Variants in STX18 observed in about 807,000 individuals in gnomAD.
The protein encoded by STX18 is syntaxin-18.
Under a neutral mutation model 50.1 loss-of-function variants are expected in STX18, and 40 were observed. The observed-to-expected ratio is 0.80, with a 90% confidence interval of 0.62 to 1.04. The LOEUF (loss-of-function observed/expected upper bound fraction) is 1.04. STX18 is among the 50% of genes least tolerant of loss of function. The probability of loss-of-function intolerance (pLI) is 0.00; values close to 1 mark genes in which losing one functional copy is unlikely to be tolerated. For missense variants in STX18, 410 were observed against 415.8 expected, an observed-to-expected ratio of 0.99 and a Z score of 0.12; for synonymous variants, 158 against 151.8, an observed-to-expected ratio of 1.04 and a Z score of -0.30.
intron 1 of STX18, among the ~76,000 whole-genome samples, chr4:4,513,319 T>C (rs1478750390): frequency 6.6e-6 from 1 of 152,084 alleles, no homozygotes; most frequent in Non-Finnish European, 1.5e-5. Context: ...TTCCCATTCA[T>C]CTGGGATCTT....
At position 4,420,216 on chromosome 4, in the gene STX18, C is replaced by G; in HGVS notation, c.913-87G>C. On this transcript the variant is annotated intron_variant, in intron 10 of 10. Transcript: ENST00000306200. This position sits in a 1 kb window ranked among gnomAD's most constrained non-coding sequence, Gnocchi z 4.3. ...AAATGCCCCCCTCTTCCCACGTGCTCTCCTGATCCTGGCTGTAACTATGGG... is the reference window on the plus strand; with the variant it reads ...AAATGCCCCCCTCTTCCCACGTGCTGTCCTGATCCTGGCTGTAACTATGGG... 2.0e-6 allele frequency: 2 copies of G among 1,023,616 alleles called. No individual in the cohort carries two copies. Among genetic ancestry groups the G allele is most frequent in the South Asian group, 2.8e-5 (2 of 70,530 alleles). 63.4% of individuals were successfully genotyped at this position (1,023,616 alleles called of 1,614,324 possible). A position where few individuals can be genotyped will look rare whatever the true frequency, so the allele number is the denominator to read the frequency against.
intron 1 of STX18, among the ~76,000 whole-genome samples, chr4:4,475,496 C>A (rs559726107): frequency 4.5e-4 from 67 of 149,832 alleles, no homozygotes; most frequent in African/African-American, 1.6e-3. Flanking sequence ...GACAAATCAA[C>A]AACAAAGAAA....
intron 6 of STX18, chr4:4,437,656 C>T (rs1054909760): frequency 8.5e-5 from 84 of 984,386 alleles, no homozygotes; most frequent in East Asian, 4.5e-4. Flanking sequence ...CATGAGACTA[C>T]GGAGAAGGAT....
chr4:4,474,993 A>G (rs903584405), intron 1 of STX18, among the ~76,000 whole-genome samples: 4 of 152,210 alleles, frequency 2.6e-5, no homozygotes, highest in African/African-American at 9.6e-5. Context: ...TTTTTTTAGA[A>G]GCCATAAAGT....
intron 7 of STX18, chr4:4,426,701 CT>C (rs1408525574): frequency 6.6e-6 from 1 of 152,584 alleles, no homozygotes; most frequent in Non-Finnish European, 1.5e-5. Context: ...GTATTCAGCC[CT>C]TCCCCTACCG....
chr4:4,469,082 G>A (rs922380651), intron 2 of STX18, among the ~76,000 whole-genome samples: 4 of 152,244 alleles, frequency 2.6e-5, no homozygotes, highest in South Asian at 2.1e-4. Context: ...AAAAGCCACT[G>A]GATTTGGTGA....
At chr4:4,426,597 C>G (rs985043983) in intron 7 of STX18, 3 of 152,284 alleles carry the variant, frequency 2.0e-5, no homozygotes, top group Non-Finnish European at 2.9e-5. Context: ...GGACCCCTCC[C>G]CTCCAAGTAC....
Position 4,449,482 on chromosome 4 carries a change from G to A in STX18, c.497+7709C>T, listed in dbSNP as rs149912421. ...GAACAGCTCTTCAGTCTCTCCTTGAGTTTCACGGCCTCAACACACAATAAT... is the reference window on the plus strand; with the variant it reads ...GAACAGCTCTTCAGTCTCTCCTTGAATTTCACGGCCTCAACACACAATAAT... On this transcript the variant is annotated intron_variant, in intron 5 of 10. Transcript: ENST00000306200. Among the ~76,000 whole-genome samples the A allele has an allele frequency of 1.1e-4, 17 of 152,246 alleles. No individual in the cohort carries two copies. The East Asian group carries it at 3.3e-3, about 29-fold the overall frequency.
chr4:4,466,777 T>C (rs1281751500), intron 2 of STX18, among the ~76,000 whole-genome samples: 1 of 152,180 alleles, frequency 6.6e-6, no homozygotes, highest in Non-Finnish European at 1.5e-5. Context: ...AGCTGATTTA[T>C]CAAGACAGGG....
intron 2 of STX18, among the ~76,000 whole-genome samples, chr4:4,467,421 A>C (rs1246886812): frequency 6.6e-6 from 1 of 152,206 alleles, no homozygotes; most frequent in African/African-American, 2.4e-5. Flanking sequence ...TCGCTGTCAT[A>C]ACTTTCTCAC....
chr4:4,430,294 A>G (rs1462534358), intron 7 of STX18, among the ~76,000 whole-genome samples: 8 of 152,250 alleles, frequency 5.3e-5, no homozygotes, highest in Admixed American at 3.9e-4. Flanking sequence ...ATTTGCTACA[A>G]TATTTTCCAA....
At chr4:4,436,883 C>G (rs1218769231) in intron 6 of STX18, among the ~76,000 whole-genome samples, 1 of 151,918 alleles carries the variant, frequency 6.6e-6, no homozygotes, top group Non-Finnish European at 1.5e-5. Flanking sequence ...TGAGCATTTG[C>G]TCATGCTGCT....
intron 1 of STX18, among the ~76,000 whole-genome samples, chr4:4,484,706 T>G (rs960564208): frequency 1.3e-5 from 2 of 152,160 alleles, no homozygotes; most frequent in Non-Finnish European, 2.9e-5. Flanking sequence ...TACTGCCGTC[T>G]AAAAACAAAT....
intron 1 of STX18, among the ~76,000 whole-genome samples, chr4:4,524,343 G>A (rs1413286920): frequency 3.9e-5 from 6 of 152,124 alleles, no homozygotes; most frequent in African/African-American, 7.2e-5. Context: ...GAAACAATTC[G>A]TCCCTGATTC....
chr4:4,490,251 A>G (rs923249971), intron 1 of STX18, among the ~76,000 whole-genome samples: 1 of 152,182 alleles, frequency 6.6e-6, no homozygotes, highest in Non-Finnish European at 1.5e-5. Flanking sequence ...CTGATCAAAT[A>G]TTAGCATGAC....
Position 4,503,936 on chromosome 4 carries a change from G to T in STX18, c.169-32230C>A, listed in dbSNP as rs116240487. On this transcript the variant is annotated intron_variant, in intron 1 of 10. Transcript: ENST00000306200. ...ATCCTTTGCAATTATTTAAACTTAC[G>T]ATAAAGAATTATAGATGTCAGATTA... 9.0e-3 allele frequency among the ~76,000 whole-genome samples: 1,377 copies of T among 152,172 alleles called. 24 individuals are homozygous for T. The highest frequency in any genetic ancestry group is 0.032 in the African/African-American group (1,329 of 41,498).
chr4:4,434,716 A>T, intron 7 of STX18, 54 bp downstream of exon 7: 1 of 1,464,276 alleles, frequency 6.8e-7, no homozygotes. Flanking sequence ...CCTTAGTGAA[A>T]CAGTCTTATG....
intron 1 of STX18, among the ~76,000 whole-genome samples, chr4:4,523,774 T>C (rs1730626859): frequency 6.6e-6 from 1 of 152,236 alleles, no homozygotes; most frequent in Non-Finnish European, 1.5e-5. Flanking sequence ...GCCAGCAGAA[T>C]GATCTTTCTC....
At chr4:4,466,149 G>A in intron 2 of STX18, among the ~76,000 whole-genome samples, 1 of 152,114 alleles carries the variant, frequency 6.6e-6, no homozygotes, top group South Asian at 2.1e-4. Context: ...GTATTCAGAG[G>A]CAGGAGAGAT....
Sources: gnomAD v4.1 joint callset for allele counts (sites outside exome capture counted in the v4.1 genomes callset) on GRCh38, gnomAD v4.1.1 for gene constraint, Gnocchi (gnomAD v3.1) non-coding constraint, MANE v1.5 for transcripts, NCBI Gene and HGNC (gene_info 2026-07-23, HGNC 2026-07-21) for gene names.